COL5A2: variants seen among roughly 807,000 people sequenced by gnomAD.
COL5A2 encodes the protein collagen type V alpha 2 chain.
A neutral mutation model predicts 208.2 loss-of-function variants in COL5A2; 23 were observed. That is an observed-to-expected ratio of 0.11 (90% CI 0.08 to 0.16). The LOEUF (loss-of-function observed/expected upper bound fraction) is 0.16, where lower values mean the gene tolerates loss of function less well. COL5A2 is among the 10% of genes least tolerant of loss of function. The pLI is 1.00. For synonymous variants in COL5A2, 625 were observed against 628.5 expected, an observed-to-expected ratio of 0.99 and a Z score of 0.08; for missense variants, 1,590 against 1,956.4, an observed-to-expected ratio of 0.81 and a Z score of 3.53.
chr2:189,313,769 C>G, the COL5A2 span, among the ~76,000 whole-genome samples: 1 of 151,920 alleles, frequency 6.6e-6, no homozygotes, highest in East Asian at 1.9e-4. Flanking sequence ...AAATGGAAAA[C>G]AGAAAAAAAT....
At chr2:189,126,605 T>C (rs193038236) in intron 1 of COL5A2, among the ~76,000 whole-genome samples, 8 of 152,220 alleles carry the variant, frequency 5.3e-5, no homozygotes, top group East Asian at 1.9e-4. Flanking sequence ...TAGTAAAGCA[T>C]GTAAGTCAAA....
intron 3 of COL5A2, among the ~76,000 whole-genome samples, chr2:189,102,611 T>C (rs1687068361): frequency 6.6e-6 from 1 of 152,102 alleles, no homozygotes; most frequent in Admixed American, 6.6e-5. Flanking sequence ...TTACTTATCA[T>C]TTAATACCAT....
At position 189,193,986 on chromosome 2, in the gene COL5A2, C is replaced by T. The variant is rs530382757; in HGVS notation, c.-42+31162G>A. Among the ~76,000 whole-genome samples, 9 of 152,178 alleles carry T rather than the reference C, an allele frequency of 5.9e-5. No individual in the cohort carries two copies. In the South Asian group the frequency reaches 8.3e-4, roughly 14 times the overall value. ...TAATTAGTTGTTTTGATTCAGTAAA[C>T]GCAGTTATTTTCATAAAATGCATCA... On this transcript the variant is annotated intron_variant, in intron 1 of 10. Transcript: ENST00000649966.
the COL5A2 span, among the ~76,000 whole-genome samples, chr2:189,263,096 T>C: frequency 1.3e-5 from 2 of 152,150 alleles, no homozygotes; most frequent in African/African-American, 4.8e-5. Context: ...AAGCAGGACA[T>C]AGGAGAATTC....
the COL5A2 span, among the ~76,000 whole-genome samples, chr2:189,266,839 C>T: frequency 5.9e-5 from 9 of 152,060 alleles, no homozygotes; most frequent in Non-Finnish European, 1.2e-4. Context: ...CTTTCTGTCA[C>T]TAGGTAGTCA....
the COL5A2 span, among the ~76,000 whole-genome samples, chr2:189,330,488 T>C: frequency 4.6e-5 from 7 of 152,122 alleles, no homozygotes; most frequent in African/African-American, 1.7e-4. Flanking sequence ...AAATAATATA[T>C]ATCTATCTTC....
upstream of COL5A2, chr2:189,179,793 T>C: frequency 1.2e-6 from 1 of 835,212 alleles, no homozygotes; most frequent in Non-Finnish European, 1.9e-6. Context: ...CAGCTTTAAA[T>C]AGGAAGAATG....
At chr2:189,140,198 T>C (rs944205553) in intron 1 of COL5A2, among the ~76,000 whole-genome samples, 2 of 152,196 alleles carry the variant, frequency 1.3e-5, no homozygotes, top group Non-Finnish European at 2.9e-5. Flanking sequence ...GTGTAAAATA[T>C]GTATTTATAC....
At chr2:189,167,803 C>T (rs935787469) in intron 1 of COL5A2, among the ~76,000 whole-genome samples, 2 of 151,694 alleles carry the variant, frequency 1.3e-5, no homozygotes, top group Non-Finnish European at 2.9e-5. Flanking sequence ...ACTTCTATGA[C>T]TATCATAGTT....
At chr2:189,417,367 T>G in the COL5A2 span, among the ~76,000 whole-genome samples, 1 of 152,148 alleles carries the variant, frequency 6.6e-6, no homozygotes, top group South Asian at 2.1e-4. Flanking sequence ...TTAATGATAA[T>G]TTGTCTCTTT....
chr2:189,168,179 T>TCCGC (rs1431291467), intron 1 of COL5A2, among the ~76,000 whole-genome samples: 2 of 151,556 alleles, frequency 1.3e-5, no homozygotes, highest in African/African-American at 4.8e-5. Flanking sequence ...GACTTCGTGA[T>TCCGC]CCGCCCGTCT....
chr2:189,219,386 A>T (rs919578559), intron 1 of COL5A2, among the ~76,000 whole-genome samples: 6 of 152,086 alleles, frequency 3.9e-5, no homozygotes, highest in Admixed American at 2.0e-4. Context: ...CTTATTATTT[A>T]TTTTTTCATT....
At chr2:189,385,654 C>A in the COL5A2 span, among the ~76,000 whole-genome samples, 2 of 150,134 alleles carry the variant, frequency 1.3e-5, no homozygotes, top group Non-Finnish European at 3.0e-5. Context: ...GAAAAAAAAA[C>A]CAGCCTGAAT....
At chr2:189,137,665 G>A (rs1485935317) in intron 1 of COL5A2, among the ~76,000 whole-genome samples, 1 of 152,102 alleles carries the variant, frequency 6.6e-6, no homozygotes, top group East Asian at 1.9e-4. Context: ...TAGAACCTGA[G>A]CTAGCTTCTA....
chr2:189,084,157 T>C (rs150923528), intron 11 of COL5A2, 120 bp from the exon 12 acceptor site: 28 of 726,618 alleles, frequency 3.9e-5, no homozygotes, highest in African/African-American at 5.3e-5. Context: ...TAATGTACAA[T>C]TCTCTAAACA....
intron 53 of COL5A2, among the ~76,000 whole-genome samples, chr2:189,034,452 C>T (rs1253739011): frequency 1.3e-5 from 2 of 152,136 alleles, no homozygotes; most frequent in Non-Finnish European, 1.5e-5. Context: ...TCACTAGCAA[C>T]ATAAATTATG....
Position 189,039,389 on chromosome 2 carries a change from C to G in COL5A2, c.3808G>C (p.Ala1270Pro). 2 of 1,614,078 alleles carry G rather than the reference C, an allele frequency of 1.2e-6. No homozygotes were observed. Among genetic ancestry groups the G allele is most frequent in the Non-Finnish European group, 1.7e-6 (2 of 1,180,012 alleles). Reference sequence around the variant, plus strand: ...TGACTACTGAGTGACTTCAGGGTAGCATGAACCCCTGGGTCCGTTTTGTTT... The same window carrying G: ...TGACTACTGAGTGACTTCAGGGTAGGATGAACCCCTGGGTCCGTTTTGTTT... ...DKNKTDPGVHATLKSLSSQIE... is the reference protein window; with the variant it reads ...DKNKTDPGVHPTLKSLSSQIE... The change falls in exon 51 of 54, where the codon GCT becomes CCT. Residue 1270 changes from alanine (A) to proline (P), a missense_variant. Physicochemically the swap from Ala to Pro is conservative, Grantham distance 27. Coordinates refer to ENST00000374866, the MANE Select transcript of COL5A2 (RefSeq NM_000393.5).
In COL5A2 at chr2:189,085,897, T is replaced by C. The variant is rs987045213; in HGVS notation, c.691-125A>G. The C allele has an allele frequency of 2.4e-5, 18 of 746,152 alleles. No individual in the cohort carries two copies. In the African/African-American group the frequency reaches 2.8e-4, roughly 12 times the overall value. 46.2% of individuals were successfully genotyped at this position (746,152 alleles called of 1,614,324 possible). On this transcript the variant is annotated intron_variant, in intron 9 of 53. Coordinates refer to ENST00000374866, the MANE Select transcript of COL5A2 (RefSeq NM_000393.5). ...CTGCCATCTTCCAGCTGTGTGACTT[T>C]GGGCAAGTTACTTAATCTGTCTGTA...
At chr2:189,292,197 T>C in the COL5A2 span, among the ~76,000 whole-genome samples, 1 of 152,210 alleles carries the variant, frequency 6.6e-6, no homozygotes, top group African/African-American at 2.4e-5. Context: ...CCACATATAT[T>C]GTATGGAAGA....
Sources: gnomAD v4.1 joint callset for allele counts (sites outside exome capture counted in the v4.1 genomes callset) on GRCh38, gnomAD v4.1.1 for gene constraint, MANE v1.5 for transcripts, NCBI Gene and HGNC (gene_info 2026-07-23, HGNC 2026-07-21) for gene names.